Variants in CCDC175 observed in about 807,000 individuals in gnomAD.
CCDC175 encodes coiled-coil domain containing 175, also known as coiled-coil domain-containing protein 175.
Under a neutral mutation model 114.6 loss-of-function variants are expected in CCDC175, and 100 were observed. The ratio of observed to expected loss-of-function variants is 0.87; its 90% CI spans 0.74 to 1.03. The LOEUF (loss-of-function observed/expected upper bound fraction) is 1.03, where lower values mean the gene tolerates loss of function less well. Ranked by LOEUF, CCDC175 falls within the 50% of genes least tolerant of loss-of-function variation. CCDC175 has a pLI of 0.00. For synonymous variants in CCDC175, 306 were observed against 308.7 expected (o/e 0.99, Z 0.09); for missense variants, 880 against 917.8 (o/e 0.96, Z 0.53).
chr14:59,537,707 C>T (rs1310466536), intron 13 of CCDC175, among the ~76,000 whole-genome samples: 1 of 152,194 alleles, frequency 6.6e-6, no homozygotes, highest in East Asian at 1.9e-4. Context: ...ACTGACTTTA[C>T]TAATCTCCCT....
intron 13 of CCDC175, 77 bp downstream of exon 13, chr14:59,537,946 G>A (rs1246644440): frequency 1.0e-6 from 1 of 980,198 alleles, no homozygotes; most frequent in African/African-American, 1.6e-5. Context: ...TAACTGATTA[G>A]AATAGCATGA....
intron 17 of CCDC175, among the ~76,000 whole-genome samples, chr14:59,515,705 C>T (rs1893038136): frequency 6.6e-6 from 1 of 152,136 alleles, no homozygotes; most frequent in Non-Finnish European, 1.5e-5. Flanking sequence ...TAGACTCCCA[C>T]ACAATAATAA....
chr14:59,529,957 CT>C (rs1402257673), intron 14 of CCDC175, among the ~76,000 whole-genome samples: 1 of 152,130 alleles, frequency 6.6e-6, no homozygotes, highest in African/African-American at 2.4e-5. Flanking sequence ...ATTTTCTCCC[CT>C]TTGTTTACAT....
At chr14:59,571,083 G>T (rs1250016338) in intron 3 of CCDC175, among the ~76,000 whole-genome samples, 2 of 147,438 alleles carry the variant, frequency 1.4e-5, no homozygotes, top group Admixed American at 6.9e-5. Flanking sequence ...GAAGAACTCA[G>T]CCAACAACAT....
In CCDC175 at chr14:59,563,746, A is replaced by C; in HGVS notation, c.834T>G (p.Val278=). The change falls in exon 6 of 20, where the codon GTT becomes GTG. Residue 278 remains valine (V), a synonymous_variant. Coordinates refer to ENST00000537690, the MANE Select transcript of CCDC175 (RefSeq NM_001164399.2). ...KMSKIKETVT[V]SAAVLSDHNL... ...GTTTATTCTTTCTTACCGCTGCGGAAACAGTAACTGTTTCTTTTATTTTTG... is the reference window on the plus strand; with the variant it reads ...GTTTATTCTTTCTTACCGCTGCGGACACAGTAACTGTTTCTTTTATTTTTG... The C allele has an allele frequency of 7.1e-7, 1 of 1,410,040 alleles. No individual in the cohort carries two copies. The allele number at this position is 1,410,040 out of a possible 1,614,324, so 87.3% of individuals were successfully genotyped here.
intron 16 of CCDC175, 83 bp downstream of exon 16, chr14:59,525,199 T>C (rs1893673011): frequency 1.9e-6 from 2 of 1,061,802 alleles, no homozygotes; most frequent in African/African-American, 3.3e-5. Flanking sequence ...TCAAGAGCTA[T>C]TCTCTTCTTT....
In CCDC175 at chr14:59,574,924, CT is replaced by C. The variant is rs1566644258; in HGVS notation, c.243+18del. 7.8e-7 allele frequency: 1 copy of C among 1,274,604 alleles called. No individual in the cohort carries two copies. Among genetic ancestry groups the C allele is most frequent in the South Asian group, 1.4e-5 (1 of 73,246 alleles). The allele number at this position is 1,274,604 out of a possible 1,614,324, so 79.0% of individuals were successfully genotyped here. The stretch of plus-strand genomic sequence containing the variant: ...TATGTGGAAGATTGAAGAAATGGTT[CT>C]TATAGATAATACAATACCAATTTCT... On this transcript the variant is annotated intron_variant, in intron 2 of 19. Transcript: ENST00000537690.
chr14:59,529,761 T>G (rs971857013), intron 14 of CCDC175, among the ~76,000 whole-genome samples: 1 of 151,826 alleles, frequency 6.6e-6, no homozygotes, highest in Non-Finnish European at 1.5e-5. Context: ...TATTTGGGAG[T>G]TTTATGAGGG....
intron 7 of CCDC175, among the ~76,000 whole-genome samples, chr14:59,551,872 T>A (rs1895520465): frequency 6.6e-6 from 1 of 152,156 alleles, no homozygotes; most frequent in African/African-American, 2.4e-5. Flanking sequence ...CGCTCATTGC[T>A]AGCACAGCAG....
At chr14:59,541,013 G>T (rs1395585316) in intron 10 of CCDC175, among the ~76,000 whole-genome samples, 1 of 152,162 alleles carries the variant, frequency 6.6e-6, no homozygotes, top group Non-Finnish European at 1.5e-5. Context: ...GGTTACTAGA[G>T]GTTAATGTTT....
rs1329872859 is a variant in CCDC175 at position 59,516,357 on chromosome 14, C to CA, written c.2099-4555dup. Among the ~76,000 whole-genome samples the CA allele has an allele frequency of 6.6e-5, 10 of 152,024 alleles. No individual in the cohort carries two copies. In the East Asian group the frequency reaches 1.4e-3, roughly 21 times the overall value. Reference sequence around the variant, plus strand: ...GGAAATAGAGACTCAAAAAAACCTTCAAAAAAATCAATGAATCCAGGAGCT... The same window carrying CA: ...GGAAATAGAGACTCAAAAAAACCTTCAAAAAAAATCAATGAATCCAGGAGCT... On this transcript the variant is annotated intron_variant, in intron 17 of 19. Coordinates refer to ENST00000537690, the MANE Select transcript of CCDC175 (RefSeq NM_001164399.2).
intron 19 of CCDC175, among the ~76,000 whole-genome samples, chr14:59,506,565 G>A (rs186055114): frequency 6.6e-5 from 10 of 152,202 alleles, no homozygotes; most frequent in Admixed American, 6.5e-4. Flanking sequence ...TGGGATTAGA[G>A]GCATGGGCCA....
intron 17 of CCDC175, among the ~76,000 whole-genome samples, chr14:59,513,803 G>T (rs1229049270): frequency 6.6e-6 from 1 of 152,222 alleles, no homozygotes; most frequent in African/African-American, 2.4e-5. Context: ...CTGTCTGACA[G>T]CTTTGAAGAG....
At chr14:59,574,585 TTG>T (rs1383737621) in intron 2 of CCDC175, among the ~76,000 whole-genome samples, 1 of 152,234 alleles carries the variant, frequency 6.6e-6, no homozygotes. Context: ...ATTCCAGAGA[TTG>T]TGTGTTTGTT....
chr14:59,548,232 G>A (rs762882096), intron 8 of CCDC175, among the ~76,000 whole-genome samples: 43 of 151,970 alleles, frequency 2.8e-4, no homozygotes, highest in Non-Finnish European at 5.1e-4. Flanking sequence ...CCAATTATAC[G>A]CAAAATCTAA....
intron 2 of CCDC175, among the ~76,000 whole-genome samples, chr14:59,573,871 T>A (rs1421781774): frequency 6.6e-6 from 1 of 152,174 alleles, no homozygotes; most frequent in Non-Finnish European, 1.5e-5. Context: ...CATCCTGGCC[T>A]CCCGGAGTGC....
intron 11 of CCDC175, among the ~76,000 whole-genome samples, 191 bp downstream of exon 11, chr14:59,540,484 G>C (rs1327264529): frequency 8.3e-6 from 1 of 120,356 alleles, no homozygotes; most frequent in Admixed American, 8.8e-5. Flanking sequence ...CTTTGATTCT[G>C]TTCAATGCCA....
intron 12 of CCDC175, 75 bp from the exon 13 acceptor site, chr14:59,538,229 T>G: frequency 1.6e-6 from 2 of 1,256,552 alleles, no homozygotes; most frequent in South Asian, 3.0e-5. Context: ...GCCAGGAAAT[T>G]AATATCTCTT....
intron 1 of CCDC175, among the ~76,000 whole-genome samples, chr14:59,575,655 G>T (rs1050926187): frequency 2.0e-5 from 3 of 151,370 alleles, no homozygotes; most frequent in Non-Finnish European, 3.0e-5. Flanking sequence ...GATTACAGAC[G>T]TGCGTCACCA....
Sources: gnomAD v4.1 joint callset for allele counts (sites outside exome capture counted in the v4.1 genomes callset) on GRCh38, gnomAD v4.1.1 for gene constraint, MANE v1.5 for transcripts, NCBI Gene and HGNC (gene_info 2026-07-23, HGNC 2026-07-21) for gene names.